The following TRAPPC9 variants were observed in gnomAD, a reference collection of about 807,000 sequenced individuals.
The protein encoded by TRAPPC9 is trafficking protein particle complex subunit 9, also known as IKK2 binding protein.
Under a neutral mutation model 124.0 loss-of-function variants are expected in TRAPPC9, and 83 were observed. That is an observed-to-expected ratio of 0.67 (90% CI 0.56 to 0.80). TRAPPC9 has a LOEUF of 0.80. TRAPPC9 is among the 30% of genes least tolerant of loss of function. TRAPPC9 has a pLI of 0.00. For synonymous variants in TRAPPC9, 638 were observed against 617.5 expected (o/e 1.03, Z -0.49); for missense variants, 1,302 against 1,508.3 (o/e 0.86, Z 2.27).
intron 2 of TRAPPC9, 104 bp from the exon 3 acceptor site, chr8:140,439,301 A>G: frequency 1.6e-6 from 2 of 1,214,582 alleles, no homozygotes; most frequent in Non-Finnish European, 2.4e-6. Flanking sequence ...AATGCTAAGA[A>G]GGCAACTGTA....
chr8:140,161,670 C>T (rs1447923121), intron 17 of TRAPPC9, among the ~76,000 whole-genome samples: 1 of 152,030 alleles, frequency 6.6e-6, no homozygotes, highest in Non-Finnish European at 1.5e-5. Flanking sequence ...CAAAAAGTTT[C>T]GGATTTGGCA....
At chr8:139,823,945 G>C (rs181004626) in intron 21 of TRAPPC9, among the ~76,000 whole-genome samples, 4 of 152,312 alleles carry the variant, frequency 2.6e-5, no homozygotes, top group Non-Finnish European at 5.9e-5. Flanking sequence ...AAAGGTGCTG[G>C]ACTGACTGCT....
chr8:139,922,671 G>A (rs983571686), intron 19 of TRAPPC9, among the ~76,000 whole-genome samples: 5 of 152,218 alleles, frequency 3.3e-5, no homozygotes, highest in African/African-American at 9.6e-5. Flanking sequence ...TCCTCCCCCA[G>A]TTCCAGGTGA....
chr8:139,802,793 A>T (rs1823630818), intron 21 of TRAPPC9, among the ~76,000 whole-genome samples: 1 of 152,160 alleles, frequency 6.6e-6, no homozygotes, highest in Non-Finnish European at 1.5e-5. Context: ...GAAGCTTTGC[A>T]GTGTAGGCAT....
At chr8:139,968,414 G>A (rs1221395959) in intron 19 of TRAPPC9, among the ~76,000 whole-genome samples, 1 of 152,152 alleles carries the variant, frequency 6.6e-6, no homozygotes. Flanking sequence ...TGGGATCTCA[G>A]AGAGCTCCAA....
intron 17 of TRAPPC9, chr8:140,098,473 G>C (rs997972998): frequency 6.6e-6 from 1 of 152,038 alleles, no homozygotes; most frequent in African/African-American, 2.4e-5. Context: ...ACGCCCCCCA[G>C]GGTTCTCCGC....
intron 2 of TRAPPC9, among the ~76,000 whole-genome samples, chr8:140,439,645 G>A (rs892273157): frequency 4.6e-5 from 7 of 152,194 alleles, no homozygotes; most frequent in Admixed American, 1.3e-4. Context: ...GTTCATCCTC[G>A]CTATTTCAGG....
At chr8:139,783,237 A>T (rs115435192) in intron 21 of TRAPPC9, among the ~76,000 whole-genome samples, 3,299 of 152,278 alleles carry the variant, frequency 0.022, 105 homozygotes, top group African/African-American at 0.075. Context: ...AAAATCAATG[A>T]AACCAAAAGC....
chr8:140,172,778 A>G (rs2061991706), intron 17 of TRAPPC9, among the ~76,000 whole-genome samples: 1 of 152,198 alleles, frequency 6.6e-6, no homozygotes, highest in Admixed American at 6.5e-5. Context: ...TAACCAACCT[A>G]CAAGAAAAGT....
At chr8:139,971,063 T>C (rs564844187) in intron 19 of TRAPPC9, among the ~76,000 whole-genome samples, 2 of 151,990 alleles carry the variant, frequency 1.3e-5, no homozygotes, top group South Asian at 4.2e-4. Flanking sequence ...AATCCACCTC[T>C]TTTCTCTGCA....
intron 15 of TRAPPC9, among the ~76,000 whole-genome samples, chr8:140,268,010 A>G (rs58006010): frequency 0.25 from 37,378 of 151,908 alleles, 5,017 homozygotes; most frequent in African/African-American, 0.35. Flanking sequence ...TAACTCTATC[A>G]AAGTACAAAG....
At chr8:140,362,911 A>G (rs866603985) in intron 8 of TRAPPC9, among the ~76,000 whole-genome samples, 4 of 152,226 alleles carry the variant, frequency 2.6e-5, no homozygotes, top group Non-Finnish European at 5.9e-5. Context: ...TATGAGTAAG[A>G]CCGAGTATAC....
chr8:140,426,645 G>C lies in TRAPPC9; in HGVS notation c.860-4C>G, dbSNP rs753417711. 1.7e-5 allele frequency: 27 copies of C among 1,613,430 alleles called. No individual in the cohort carries two copies. The highest frequency in any genetic ancestry group is 2.1e-5 in the Non-Finnish European group (25 of 1,179,644). ...TCAATGAGAACTTCCTGTGCCCCTG[G>C]AAGAAAGAACAGATTATGGTATTTT... is the stretch of plus-strand genomic sequence containing the variant. On this transcript the variant is annotated splice_region_variant and splice_polypyrimidine_tract_variant and intron_variant, in intron 4 of 22. Transcript: ENST00000438773.
intron 21 of TRAPPC9, among the ~76,000 whole-genome samples, chr8:139,765,992 C>G (rs1341869643): frequency 6.6e-6 from 1 of 152,214 alleles, no homozygotes; most frequent in African/African-American, 2.4e-5. Flanking sequence ...GAAGCTTTAT[C>G]TCTCAAAGGG....
intron 2 of TRAPPC9, among the ~76,000 whole-genome samples, chr8:140,441,556 C>T (rs1006921096): frequency 2.0e-5 from 3 of 152,140 alleles, no homozygotes; most frequent in Non-Finnish European, 4.4e-5. Flanking sequence ...CATGGTGGCT[C>T]ATACCTGTAA....
At chr8:139,939,916 A>G (rs1367159295) in intron 19 of TRAPPC9, among the ~76,000 whole-genome samples, 1 of 152,264 alleles carries the variant, frequency 6.6e-6, no homozygotes, top group Non-Finnish European at 1.5e-5. Context: ...CAGCCAGGCC[A>G]CAGCATGCGG....
intron 21 of TRAPPC9, among the ~76,000 whole-genome samples, chr8:139,801,297 C>T (rs542785341): frequency 1.1e-4 from 16 of 152,356 alleles, no homozygotes; most frequent in Non-Finnish European, 2.4e-4. Flanking sequence ...TGACATAGTT[C>T]ATGCCTCCTG....
intron 21 of TRAPPC9, among the ~76,000 whole-genome samples, chr8:139,822,090 G>A (rs1234415684): frequency 6.6e-6 from 1 of 152,200 alleles, no homozygotes; most frequent in Non-Finnish European, 1.5e-5. Context: ...CAGCCTTGAG[G>A]CTCTGGGCAG....
At chr8:140,415,405 A>T (rs1384718694) in intron 5 of TRAPPC9, among the ~76,000 whole-genome samples, 1 of 151,512 alleles carries the variant, frequency 6.6e-6, no homozygotes, top group Non-Finnish European at 1.5e-5. Flanking sequence ...AATACAAAAA[A>T]TTAGCCGGGC....
Sources: gnomAD v4.1 joint callset for allele counts (sites outside exome capture counted in the v4.1 genomes callset) on GRCh38, gnomAD v4.1.1 for gene constraint, MANE v1.5 for transcripts, NCBI Gene and HGNC (gene_info 2026-07-23, HGNC 2026-07-21) for gene names.